NCKAP5: variants seen among roughly 807,000 people sequenced by gnomAD.
NCKAP5 encodes the protein NCK associated protein 5.
In NCKAP5, 92 loss-of-function variants were observed where a neutral mutation model predicts 167.0. The ratio of observed to expected loss-of-function variants is 0.55; its 90% CI spans 0.47 to 0.66. NCKAP5 has a LOEUF of 0.66. NCKAP5 is among the 30% of genes least tolerant of loss of function. The pLI is 0.00. For missense variants in NCKAP5, 2,378 were observed against 2,315.0 expected, an observed-to-expected ratio of 1.03 and a Z score of -0.56; for synonymous variants, 891 against 877.4, an observed-to-expected ratio of 1.02 and a Z score of -0.27.
At chr2:132,980,332 T>A (rs1231010424) in intron 7 of NCKAP5, among the ~76,000 whole-genome samples, 2 of 152,048 alleles carry the variant, frequency 1.3e-5, no homozygotes, top group Non-Finnish European at 2.9e-5. Context: ...AGAATAGGCC[T>A]GCGGAAATTT....
At chr2:133,614,524 C>T in the NCKAP5 span, among the ~76,000 whole-genome samples, 1 of 151,826 alleles carries the variant, frequency 6.6e-6, no homozygotes, top group Non-Finnish European at 1.5e-5. Context: ...GGAGCCGATG[C>T]AATCAACTGG....
rs1209224945 is a variant in NCKAP5, at chr2:132,804,517, A to AT, written c.808-7789dup. On this transcript the variant is annotated intron_variant, in intron 11 of 19. Transcript: ENST00000409261. ...TTGCCTTTTACATGTGGGGGAACAC[A>AT]TTTTTTCCCTCTGATTTCACCAAAC... is the stretch of plus-strand genomic sequence containing the variant. Among the ~76,000 whole-genome samples, 36 of 152,150 alleles carry AT rather than the reference A, an allele frequency of 2.4e-4. 1 individual carries two copies. The highest frequency in any genetic ancestry group is 2.2e-3 in the Admixed American group (33 of 15,284).
chr2:133,601,010 C>A, the NCKAP5 span, among the ~76,000 whole-genome samples: 1 of 152,234 alleles, frequency 6.6e-6, no homozygotes, highest in Admixed American at 6.5e-5. Flanking sequence ...TGTTTTCTCA[C>A]GTAAGTTCCT....
At chr2:133,223,460 G>C (rs149877340) in intron 4 of NCKAP5, among the ~76,000 whole-genome samples, 1 of 152,136 alleles carries the variant, frequency 6.6e-6, no homozygotes, top group African/African-American at 2.4e-5. Context: ...TGCACCTGTC[G>C]TGTGGGCAGA....
chr2:133,059,673 CAA>C (rs1202793730), intron 6 of NCKAP5, among the ~76,000 whole-genome samples: 7 of 105,326 alleles, frequency 6.6e-5, no homozygotes. Context: ...GATGCTATTT[CAA>C]AAAAAAAAAA....
chr2:133,464,806 C>T (rs1692440285), intron 3 of NCKAP5, among the ~76,000 whole-genome samples: 1 of 152,016 alleles, frequency 6.6e-6, no homozygotes, highest in African/African-American at 2.4e-5. Flanking sequence ...TCATTGCCTT[C>T]AGCTTTGTCT....
At chr2:132,931,378 CT>C (rs957048235) in intron 8 of NCKAP5, 10 of 151,662 alleles carry the variant, frequency 6.6e-5, no homozygotes, top group Non-Finnish European at 1.0e-4. Flanking sequence ...CGTCACTTCC[CT>C]TTTTTTTTCC....
rs113387408 is a variant in NCKAP5, at chr2:133,342,910, C to T, written c.70-39800G>A. 9.5e-3 allele frequency among the ~76,000 whole-genome samples: 1,441 copies of T among 152,254 alleles called. 25 individuals are homozygous for T. Among genetic ancestry groups the T allele is most frequent in the African/African-American group, 0.031 (1,283 of 41,542 alleles). ...CCTGCAGGATGGTGCAACATCTCTC[C>T]ATGTCACAGCAGTGAGGGACAGGTG... is the stretch of plus-strand genomic sequence containing the variant. On this transcript the variant is annotated intron_variant, in intron 3 of 19. Coordinates refer to ENST00000409261, the MANE Select transcript of NCKAP5 (RefSeq NM_207363.3).
the NCKAP5 span, among the ~76,000 whole-genome samples, chr2:133,617,823 C>T: frequency 2.7e-5 from 4 of 150,394 alleles, no homozygotes; most frequent in African/African-American, 9.7e-5. Context: ...CATATGGAAC[C>T]AAAAAAGAGC....
rs34829891 is a variant in NCKAP5, at chr2:133,235,904, C to CAAAA, written c.144-22129_144-22126dup. On this transcript the variant is annotated intron_variant, in intron 4 of 19. Coordinates refer to ENST00000409261, the MANE Select transcript of NCKAP5 (RefSeq NM_207363.3). ...GGGCAACAAAAGTGAAACTCTATCT[C>CAAAA]AAAAAAAAAAAAAAATGCAAAAAAA... 1.5e-3 allele frequency among the ~76,000 whole-genome samples: 199 copies of CAAAA among 130,328 alleles called. 1 individual carries two copies. Among genetic ancestry groups the CAAAA allele is most frequent in the African/African-American group, 5.4e-3 (190 of 34,926 alleles). 85.5% of individuals were successfully genotyped at this position (130,328 alleles called of 152,430 possible).
At chr2:133,130,697 G>T (rs1292122235) in intron 5 of NCKAP5, among the ~76,000 whole-genome samples, 2 of 152,150 alleles carry the variant, frequency 1.3e-5, no homozygotes, top group African/African-American at 4.8e-5. Flanking sequence ...CTCACGAACG[G>T]GTATCAGGGA....
At chr2:133,239,081 G>T (rs2087557921) in intron 4 of NCKAP5, among the ~76,000 whole-genome samples, 1 of 152,112 alleles carries the variant, frequency 6.6e-6, no homozygotes, top group Non-Finnish European at 1.5e-5. Flanking sequence ...ATAAATATGG[G>T]TTTTTCATAC....
intron 8 of NCKAP5, among the ~76,000 whole-genome samples, chr2:132,921,534 A>G (rs1455691079): frequency 6.6e-6 from 1 of 152,220 alleles, no homozygotes; most frequent in Non-Finnish European, 1.5e-5. Flanking sequence ...TGCTGCTAGG[A>G]CATGAGTATA....
chr2:133,316,577 C>G (rs1299621359), intron 3 of NCKAP5, among the ~76,000 whole-genome samples: 1 of 152,146 alleles, frequency 6.6e-6, no homozygotes, highest in Non-Finnish European at 1.5e-5. Flanking sequence ...ATTTTCTAAG[C>G]CAGAAAGCAT....
intron 3 of NCKAP5, among the ~76,000 whole-genome samples, chr2:133,308,931 C>T (rs1388497555): frequency 1.3e-5 from 2 of 149,946 alleles, no homozygotes; most frequent in African/African-American, 4.9e-5. Flanking sequence ...AGGATGGTCT[C>T]GATCTCCTGA....
intron 16 of NCKAP5, among the ~76,000 whole-genome samples, chr2:132,739,201 T>C (rs1219777462): frequency 6.6e-6 from 1 of 152,222 alleles, no homozygotes; most frequent in Non-Finnish European, 1.5e-5. Context: ...TCTCAGCCTT[T>C]TCTTCTGCAG....
At chr2:133,053,549 C>A (rs1014955136) in intron 6 of NCKAP5, among the ~76,000 whole-genome samples, 2 of 152,182 alleles carry the variant, frequency 1.3e-5, no homozygotes, top group Non-Finnish European at 1.5e-5. Context: ...TGTAAAGCGA[C>A]CTTCAAAAAT....
At chr2:133,319,152 C>A in intron 3 of NCKAP5, among the ~76,000 whole-genome samples, 1 of 149,082 alleles carries the variant, frequency 6.7e-6, no homozygotes, top group African/African-American at 2.5e-5. Flanking sequence ...CACCCCTCCC[C>A]CCCCGCCCCC....
intron 5 of NCKAP5, among the ~76,000 whole-genome samples, chr2:133,142,264 A>G (rs535705270): frequency 1.3e-5 from 2 of 152,144 alleles, no homozygotes; most frequent in Non-Finnish European, 2.9e-5. Context: ...CACTTTCTCA[A>G]TGATCGACAC....
Sources: allele counts gnomAD v4.1 joint callset (sites outside exome capture counted in the v4.1 genomes callset), GRCh38; gene constraint gnomAD v4.1.1; transcripts MANE v1.5; gene names NCBI Gene and HGNC (gene_info 2026-07-23, HGNC 2026-07-21).